The following MEIS1 variants were observed in gnomAD, a reference collection of about 807,000 sequenced individuals.
MEIS1 encodes the protein homeobox protein Meis1.
Under a neutral mutation model 50.8 loss-of-function variants are expected in MEIS1, and 5 were observed. The ratio of observed to expected loss-of-function variants is 0.10; its 90% CI spans 0.05 to 0.21. The LOEUF is 0.21. Among genes scored for constraint, MEIS1 ranks in the 10% least tolerant of loss-of-function variants. The probability of loss-of-function intolerance (pLI) is 1.00; values close to 1 mark genes in which losing one functional copy is unlikely to be tolerated. For synonymous variants in MEIS1, 176 were observed against 179.3 expected (o/e 0.98, Z 0.15); for missense variants, 318 against 517.3 (o/e 0.61, Z 3.74).
intron 9 of MEIS1, 63 bp downstream of exon 9, chr2:66,548,082 T>A: frequency 3.9e-6 from 6 of 1,531,198 alleles, no homozygotes; most frequent in Non-Finnish European, 5.4e-6. Flanking sequence ...CTGCAGCTCA[T>A]GTTTTGCATT....
chr2:66,543,805 T>C (rs1278723167), intron 8 of MEIS1, among the ~76,000 whole-genome samples: 1 of 152,254 alleles, frequency 6.6e-6, no homozygotes, highest in Non-Finnish European at 1.5e-5. Flanking sequence ...ATCAATTGTT[T>C]GCAAATAATT....
chr2:66,485,480 A>G (rs1426107927), intron 7 of MEIS1, among the ~76,000 whole-genome samples: 6 of 152,178 alleles, frequency 3.9e-5, no homozygotes, highest in African/African-American at 1.4e-4. Context: ...TGTATGTGCC[A>G]CATTTTCTTT....
At chr2:66,503,224 G>A (rs983060031) in intron 7 of MEIS1, among the ~76,000 whole-genome samples, 3 of 152,130 alleles carry the variant, frequency 2.0e-5, no homozygotes, top group African/African-American at 7.2e-5. Context: ...AGATACTTAT[G>A]ACTCACTAAT....
chr2:66,525,518 A>C (rs961331777), intron 8 of MEIS1, among the ~76,000 whole-genome samples: 3 of 151,984 alleles, frequency 2.0e-5, no homozygotes, highest in Non-Finnish European at 4.4e-5. Context: ...AGCTTACCCC[A>C]TTGTTTTTAT....
intron 6 of MEIS1, chr2:66,454,566 T>C (rs1672346423): frequency 6.6e-6 from 1 of 152,144 alleles, no homozygotes; most frequent in South Asian, 2.1e-4. Flanking sequence ...TATCTACTTT[T>C]ACTCATTATA....
intron 9 of MEIS1, among the ~76,000 whole-genome samples, chr2:66,555,280 C>CTCTCTCT (rs10695722): frequency 0.028 from 3,703 of 133,804 alleles, 171 homozygotes; most frequent in African/African-American, 0.081. Flanking sequence ...CTCTCTCTCT[C>CTCTCTCT]GTCTCTCTCC....
chr2:66,454,464 A>C (rs1672342056), intron 6 of MEIS1, among the ~76,000 whole-genome samples: 1 of 152,082 alleles, frequency 6.6e-6, no homozygotes, highest in Non-Finnish European at 1.5e-5. Context: ...TTCAAATAAC[A>C]GTTATGTAAG....
intron 7 of MEIS1, among the ~76,000 whole-genome samples, chr2:66,493,188 G>A (rs1673315307): frequency 6.6e-6 from 1 of 152,198 alleles, no homozygotes; most frequent in Non-Finnish European, 1.5e-5. Flanking sequence ...GCTGTAATTT[G>A]CGGAAATGCT....
intron 2 of MEIS1, chr2:66,439,592 G>A (rs762239812): frequency 2.0e-6 from 3 of 1,530,270 alleles, no homozygotes; most frequent in South Asian, 2.4e-5. Flanking sequence ...CAATTTCTCC[G>A]GCCAGATACG....
chr2:66,450,686 T>C (rs1017099372), intron 6 of MEIS1, among the ~76,000 whole-genome samples: 1 of 152,088 alleles, frequency 6.6e-6, no homozygotes. Flanking sequence ...GTAAATAAGA[T>C]TTTTGAGTGA....
At chr2:66,559,825 C>T (rs1675167491) in intron 9 of MEIS1, among the ~76,000 whole-genome samples, 1 of 152,098 alleles carries the variant, frequency 6.6e-6, no homozygotes, top group Non-Finnish European at 1.5e-5. Context: ...TAAACCCTGT[C>T]TCATTCTGTT....
chr2:66,494,712 T>G (rs1208737785), intron 7 of MEIS1, among the ~76,000 whole-genome samples: 2 of 152,204 alleles, frequency 1.3e-5, no homozygotes, highest in African/African-American at 4.8e-5. Flanking sequence ...CCAAGAACTT[T>G]CACATATATG....
chr2:66,489,040 A>G (rs1401623218), intron 7 of MEIS1, among the ~76,000 whole-genome samples: 2 of 152,196 alleles, frequency 1.3e-5, no homozygotes, highest in Non-Finnish European at 2.9e-5. Context: ...ACTAAATGGG[A>G]TGTATTATTT....
At chr2:66,512,057 C>T (rs1673845184) in intron 7 of MEIS1, 92 bp from the exon 8 acceptor site, 1 of 1,318,202 alleles carries the variant, frequency 7.6e-7, no homozygotes, top group African/African-American at 1.5e-5. Context: ...TTTAAATTTG[C>T]TCTTTTGGTT....
chr2:66,567,299 A>T (rs1218685853), intron 9 of MEIS1, among the ~76,000 whole-genome samples, 154 bp from the exon 10 acceptor site: 1 of 152,178 alleles, frequency 6.6e-6, no homozygotes, highest in East Asian at 1.9e-4. Flanking sequence ...GTTTTCCAGC[A>T]CGTGAGGCTG....
At chr2:66,538,951 G>C (rs1020915785) in intron 8 of MEIS1, among the ~76,000 whole-genome samples, 2 of 152,040 alleles carry the variant, frequency 1.3e-5, no homozygotes, top group Admixed American at 1.3e-4. Flanking sequence ...GCAGTGGCGC[G>C]ATCTCGGCTC....
chr2:66,522,004 G>C (rs929308967), intron 8 of MEIS1, among the ~76,000 whole-genome samples: 1 of 152,176 alleles, frequency 6.6e-6, no homozygotes, highest in African/African-American at 2.4e-5. Context: ...ACCCACATCC[G>C]TAATGCGATG....
chr2:66,456,806 G>A (rs896444124), intron 6 of MEIS1, among the ~76,000 whole-genome samples: 1 of 152,188 alleles, frequency 6.6e-6, no homozygotes, highest in Non-Finnish European at 1.5e-5. Context: ...AGATGAGTGT[G>A]GGCCTCCATC....
chr2:66,470,939 T>C (rs776496380), intron 7 of MEIS1, among the ~76,000 whole-genome samples: 13 of 152,380 alleles, frequency 8.5e-5, no homozygotes, highest in Admixed American at 2.0e-4. Context: ...GCTTTACTTA[T>C]GAGCTTATTA....
Sources: gnomAD v4.1 joint callset for allele counts (sites outside exome capture counted in the v4.1 genomes callset) on GRCh38, gnomAD v4.1.1 for gene constraint, MANE v1.5 for transcripts, NCBI Gene and HGNC (gene_info 2026-07-23, HGNC 2026-07-21) for gene names.